FRY: variants seen among roughly 807,000 people sequenced by gnomAD.
FRY encodes protein furry homolog.
FRY carries 128 observed loss-of-function variants against 348.4 expected under a neutral mutation model. That is an observed-to-expected ratio of 0.37 (90% CI 0.32 to 0.43). FRY has a LOEUF of 0.43. FRY is among the 20% of genes least tolerant of loss of function. The pLI is 1.00. For synonymous variants in FRY, 1,370 were observed against 1,374.7 expected (o/e 1.00, Z 0.08); for missense variants, 2,736 against 3,695.2 (o/e 0.74, Z 6.73).
intron 1 of FRY, among the ~76,000 whole-genome samples, chr13:32,072,250 T>G (rs981857489): frequency 1.3e-5 from 2 of 152,238 alleles, no homozygotes; most frequent in African/African-American, 4.8e-5. Flanking sequence ...CAGAATTTTA[T>G]GGAAATTAAT....
intron 4 of FRY, among the ~76,000 whole-genome samples, chr13:32,120,841 T>C (rs1330517872): frequency 6.6e-6 from 1 of 152,220 alleles, no homozygotes; most frequent in Non-Finnish European, 1.5e-5. Context: ...TTTGTATTTT[T>C]AGTAGAGACG....
chr13:32,275,247 G>A (rs1888472816), intron 56 of FRY: 2 of 327,506 alleles, frequency 6.1e-6, no homozygotes, highest in Admixed American at 3.9e-5. Flanking sequence ...AATTAGCCGG[G>A]TGTAGTGGCA....
intron 1 of FRY, among the ~76,000 whole-genome samples, chr13:32,057,987 C>T (rs1161306425): frequency 6.6e-6 from 1 of 152,016 alleles, no homozygotes; most frequent in Admixed American, 6.6e-5. Context: ...TAAAATTTAC[C>T]GTCTTGCCAT....
intron 31 of FRY, 107 bp downstream of exon 31, chr13:32,202,634 T>C (rs77187423): frequency 9.7e-7 from 1 of 1,036,022 alleles, no homozygotes; most frequent in Non-Finnish European, 1.5e-6. Context: ...AAGTAATTTT[T>C]CTTTTTAAAT....
intron 50 of FRY, 76 bp from the exon 51 acceptor site, chr13:32,254,148 G>T (rs1887220375): frequency 1.5e-6 from 2 of 1,324,518 alleles, no homozygotes; most frequent in Admixed American, 3.3e-5. Context: ...GTGCTATGAA[G>T]AGCCAATTAC....
intron 3 of FRY, among the ~76,000 whole-genome samples, chr13:32,106,738 G>A (rs75655697): frequency 0.016 from 2,464 of 152,274 alleles, 23 homozygotes; most frequent in Middle Eastern, 0.024. Context: ...GGGTGACTAT[G>A]TGTCCGTCTA....
chr13:32,267,201 C>G lies in FRY; in HGVS notation c.7978C>G (p.Pro2660Ala), dbSNP rs762986704. ...AGAAGGTGACAGGGGAGTCTCTCCC[C>G]CTCCCTCGCCCTTCTTCTCAGCCAT... The part of the protein sequence containing the change: ...FGEGDRGVSP[P>A]PSPFFSAILA... The change falls in exon 55 of 61, where the codon CCT (proline) becomes GCT (alanine). Residue 2660 changes from proline to alanine, a missense_variant. By Grantham distance (27) the Pro-to-Ala change is conservative (BLOSUM62 -1). This residue lies in a region of FRY where 789 missense variants were observed against 996.2 expected (regional missense o/e 0.79). Transcript: ENST00000542859. The G allele has an allele frequency of 2.2e-5, 35 of 1,614,038 alleles. No homozygotes were observed. The highest frequency in any genetic ancestry group is 1.8e-4 in the South Asian group (16 of 91,092).
chr13:32,138,009 G>T (rs773190934), intron 11 of FRY, among the ~76,000 whole-genome samples: 8 of 152,038 alleles, frequency 5.3e-5, no homozygotes, highest in African/African-American at 1.9e-4. Context: ...CTTCAAATTG[G>T]CAGTGAAATA....
chr13:32,202,375 T>C lies in FRY; in HGVS notation c.3866T>C (p.Phe1289Ser). The C allele has an allele frequency of 6.2e-7, 1 of 1,614,130 alleles. No homozygotes were observed. The highest frequency in any genetic ancestry group is 8.5e-7 in the Non-Finnish European group (1 of 1,179,984). Reference sequence around the variant, plus strand: ...TTATAGATCCTTGAAGCAAAGCTTTTTGTATACTCAAAGAAAGTCGCTGAG... The same window carrying C: ...TTATAGATCCTTGAAGCAAAGCTTTCTGTATACTCAAAGAAAGTCGCTGAG... ...QLMQILEAKL[F>S]VYSKKVAEQR... Residue 1289 changes from phenylalanine (F) to serine (S), a missense_variant, in exon 31 of 61, where the codon TTT (phenylalanine) becomes TCT (serine). Transcript: ENST00000542859.
chr13:32,109,516 A>G (rs1419057705), intron 3 of FRY, among the ~76,000 whole-genome samples: 2 of 152,222 alleles, frequency 1.3e-5, no homozygotes, highest in Non-Finnish European at 2.9e-5. Context: ...CCTTTTATCC[A>G]GATGAACAAA....
At chr13:32,258,511 G>T (rs1156575750) in intron 51 of FRY, among the ~76,000 whole-genome samples, 1 of 152,088 alleles carries the variant, frequency 6.6e-6, no homozygotes, top group Non-Finnish European at 1.5e-5. Flanking sequence ...TACCTGGGAG[G>T]CTGAGGCAGG....
intron 17 of FRY, among the ~76,000 whole-genome samples, chr13:32,169,712 C>T (rs541412695): frequency 1.3e-5 from 2 of 152,242 alleles, no homozygotes; most frequent in Admixed American, 6.5e-5. Context: ...ACAGCCACAC[C>T]GAACTCCATA....
At chr13:32,145,539 T>TTG (rs1555257782) in intron 11 of FRY, among the ~76,000 whole-genome samples, 6 of 137,260 alleles carry the variant, frequency 4.4e-5, no homozygotes, top group African/African-American at 1.6e-4. Flanking sequence ...TTTTTTTTTT[T>TTG]TTTTTTTTTT....
intron 2 of FRY, among the ~76,000 whole-genome samples, chr13:32,080,084 A>G (rs1875379331): frequency 6.6e-6 from 1 of 152,220 alleles, no homozygotes; most frequent in African/African-American, 2.4e-5. Context: ...GTTTACCTGA[A>G]AGTTACAAAC....
chr13:32,187,469 T>C (rs1209706613), intron 27 of FRY, 77 bp from the exon 28 acceptor site: 1 of 841,950 alleles, frequency 1.2e-6, no homozygotes, highest in Non-Finnish European at 2.1e-6. Context: ...CTGACAATTA[T>C]GGTTTATAAA....
At chr13:32,244,714 A>T (rs919152057) in intron 47 of FRY, among the ~76,000 whole-genome samples, 6 of 152,196 alleles carry the variant, frequency 3.9e-5, no homozygotes, top group African/African-American at 1.4e-4. Flanking sequence ...AGATGACAAA[A>T]TGTGAATAGT....
intron 27 of FRY, 148 bp from the exon 28 acceptor site, chr13:32,187,398 A>G: frequency 1.5e-6 from 1 of 660,536 alleles, no homozygotes. Context: ...AAGCTACTAA[A>G]GAATGCTTTA....
chr13:32,278,736 G>T lies in FRY; in HGVS notation c.8469+188G>T, dbSNP rs181719889. Reference sequence around the variant, plus strand: ...ACTGTGTGTTGATGGGATTTGTGGGGAGGTTTCTTCGTTTTGGAAAAGTAG... The same window carrying T: ...ACTGTGTGTTGATGGGATTTGTGGGTAGGTTTCTTCGTTTTGGAAAAGTAG... On this transcript the variant is annotated intron_variant, in intron 58 of 60. Transcript: ENST00000542859. The T allele has an allele frequency of 4.3e-6, 3 of 698,972 alleles. No homozygotes were observed. In the Admixed American group the frequency reaches 5.8e-5, roughly 13 times the overall value. 43.3% of individuals were successfully genotyped at this position (698,972 alleles called of 1,614,324 possible).
intron 1 of FRY, among the ~76,000 whole-genome samples, chr13:32,078,543 A>G (rs973017289): frequency 3.9e-5 from 6 of 152,210 alleles, no homozygotes; most frequent in Non-Finnish European, 7.3e-5. Context: ...TAAGCCAAAA[A>G]CATCTTAAGT....
Sources: gnomAD v4.1 joint callset for allele counts (sites outside exome capture counted in the v4.1 genomes callset) on GRCh38, gnomAD v4.1.1 for gene constraint, gnomAD v4.1.1 regional missense constraint, MANE v1.5 for transcripts, NCBI Gene and HGNC (gene_info 2026-07-23, HGNC 2026-07-21) for gene names.